Variants in ZNF362 observed in about 807,000 individuals in gnomAD.
ZNF362 encodes zinc finger protein 362.
A neutral mutation model predicts 42.9 loss-of-function variants in ZNF362; 11 were observed. The observed-to-expected ratio is 0.26, with a 90% CI of 0.16 to 0.42. The LOEUF is 0.42. Among genes scored for constraint, ZNF362 ranks in the 20% least tolerant of loss-of-function variants. The probability of loss-of-function intolerance (pLI) is 1.00; values close to 1 mark genes in which losing one functional copy is unlikely to be tolerated. For synonymous variants in ZNF362, 255 were observed against 257.3 expected (o/e 0.99, Z 0.09); for missense variants, 362 against 576.2 (o/e 0.63, Z 3.81).
At chr1:33,234,464 G>A in the ZNF362 span, among the ~76,000 whole-genome samples, 1 of 152,136 alleles carries the variant, frequency 6.6e-6, no homozygotes, top group Non-Finnish European at 1.5e-5. Context: ...AAATCTCAAA[G>A]GAGAAAGTAA....
the ZNF362 span, among the ~76,000 whole-genome samples, chr1:33,190,392 T>A: frequency 1.3e-5 from 2 of 152,206 alleles, no homozygotes; most frequent in African/African-American, 4.8e-5. Context: ...TCTGCTGTTC[T>A]GGAATCCTAT....
intron 1 of ZNF362, among the ~76,000 whole-genome samples, chr1:33,269,244 C>A (rs980674272): frequency 2.0e-5 from 3 of 152,182 alleles, no homozygotes; most frequent in African/African-American, 7.2e-5. Context: ...ACTGGGCTAC[C>A]AACTACTTTC....
chr1:33,131,056 C>G, the ZNF362 span, among the ~76,000 whole-genome samples: 2 of 152,172 alleles, frequency 1.3e-5, no homozygotes, highest in Admixed American at 1.3e-4. Context: ...CTTGAGATTT[C>G]TGGCAACAAC....
Position 33,292,699 on chromosome 1 carries a change from T to C in ZNF362, c.909-2238T>C, listed in dbSNP as rs557882831. Among the ~76,000 whole-genome samples, 29 of 152,332 alleles carry C rather than the reference T, an allele frequency of 1.9e-4. No individual in the cohort carries two copies. The East Asian group carries it at 4.8e-3, about 25-fold the overall frequency. On this transcript the variant is annotated intron_variant, in intron 6 of 8. Coordinates refer to ENST00000539719, the MANE Select transcript of ZNF362 (RefSeq NM_152493.3). Reference sequence around the variant, plus strand: ...ACTCGGCTGTGAATCCGTCTGGTCCTGGACTTGGTTGTGGGGTTTAAAACA... The same window carrying C: ...ACTCGGCTGTGAATCCGTCTGGTCCCGGACTTGGTTGTGGGGTTTAAAACA...
chr1:33,241,950 C>T, the ZNF362 span, among the ~76,000 whole-genome samples: 1 of 152,150 alleles, frequency 6.6e-6, no homozygotes, highest in Non-Finnish European at 1.5e-5. Context: ...AAGCTGGACT[C>T]AGTGGTATGT....
At chr1:33,197,539 A>G in the ZNF362 span, among the ~76,000 whole-genome samples, 5 of 152,330 alleles carry the variant, frequency 3.3e-5, no homozygotes, top group East Asian at 9.6e-4. Context: ...ATATGAAACG[A>G]TGGTTCTCAA....
chr1:33,290,720 C>T (rs1260283121), intron 6 of ZNF362, among the ~76,000 whole-genome samples: 3 of 152,138 alleles, frequency 2.0e-5, no homozygotes, highest in Non-Finnish European at 4.4e-5. Context: ...TCCTCTCCAG[C>T]ACCTGTTGTT....
intron 2 of ZNF362, chr1:33,275,170 CTG>C (rs1302117815): frequency 1.0e-6 from 1 of 985,328 alleles, no homozygotes; most frequent in African/African-American, 1.7e-5. Context: ...TGGAAACCCT[CTG>C]TGAGGCATGG....
rs139444219 is a variant in ZNF362, at chr1:33,273,552, C to G, written c.39-2548C>G. 9.5e-3 allele frequency among the ~76,000 whole-genome samples: 1,443 copies of G among 152,310 alleles called. 9 individuals carry two copies. Among genetic ancestry groups the G allele is most frequent in the Non-Finnish European group, 0.016 (1,064 of 68,024 alleles). The stretch of plus-strand genomic sequence containing the variant: ...GAACTGTCTGAGAAGCAGCGAGGTG[C>G]AGTGGGCAGAGTCCTGGGCCAGGGC... On this transcript the variant is annotated intron_variant, in intron 2 of 8. Transcript: ENST00000539719.
intron 1 of ZNF362, among the ~76,000 whole-genome samples, chr1:33,262,691 A>G (rs1337814420): frequency 6.6e-6 from 1 of 152,132 alleles, no homozygotes; most frequent in Non-Finnish European, 1.5e-5. Flanking sequence ...GAGAGGGGGC[A>G]CAACCCTTCA....
chr1:33,240,480 T>A, the ZNF362 span, among the ~76,000 whole-genome samples: 2 of 152,220 alleles, frequency 1.3e-5, no homozygotes, highest in African/African-American at 2.4e-5. Context: ...CATATATACA[T>A]AAACACACAT....
chr1:33,212,270 C>A, the ZNF362 span, among the ~76,000 whole-genome samples: 1 of 152,016 alleles, frequency 6.6e-6, no homozygotes, highest in Non-Finnish European at 1.5e-5. Flanking sequence ...GTACTGTGAG[C>A]CACTTAAACC....
upstream of ZNF362, among the ~76,000 whole-genome samples, chr1:33,253,485 A>G (rs1645770986): frequency 6.6e-6 from 1 of 152,114 alleles, no homozygotes; most frequent in East Asian, 1.9e-4. Context: ...CAAAGTCCTC[A>G]GAAGTGAGAT....
chr1:33,291,246 G>A (rs1390898981), intron 6 of ZNF362, among the ~76,000 whole-genome samples: 2 of 152,198 alleles, frequency 1.3e-5, no homozygotes, highest in East Asian at 1.9e-4. Context: ...TTTGTATAAG[G>A]TGTAAGGAAG....
At chr1:33,150,007 G>C in the ZNF362 span, among the ~76,000 whole-genome samples, 2,277 of 152,260 alleles carry the variant, frequency 0.015, 37 homozygotes, top group African/African-American at 0.047. Flanking sequence ...GCTCTGGGCT[G>C]GCCACACCGG....
At chr1:33,135,015 C>T in the ZNF362 span, among the ~76,000 whole-genome samples, 3 of 152,270 alleles carry the variant, frequency 2.0e-5, no homozygotes, top group East Asian at 5.8e-4. Context: ...ATCTGGGCGC[C>T]GTGGCTCATG....
At chr1:33,188,964 A>G in the ZNF362 span, among the ~76,000 whole-genome samples, 12 of 152,122 alleles carry the variant, frequency 7.9e-5, no homozygotes, top group African/African-American at 2.9e-4. Context: ...CTTAACTGCA[A>G]TTTTGCAGTC....
chr1:33,154,276 C>G, the ZNF362 span, among the ~76,000 whole-genome samples: 10 of 151,522 alleles, frequency 6.6e-5, no homozygotes, highest in African/African-American at 2.4e-4. Context: ...CGATTCCCTC[C>G]CCAGTCACTG....
At chr1:33,159,015 A>AT in the ZNF362 span, among the ~76,000 whole-genome samples, 13 of 149,990 alleles carry the variant, frequency 8.7e-5, no homozygotes, top group East Asian at 2.0e-4. The surrounding 1 kb of genome is among the most constrained non-coding windows in gnomAD (Gnocchi z 4.2). Context: ...TAATTTTTGT[A>AT]TTTTTTTTTA....
Sources: gnomAD v4.1 joint callset for allele counts (sites outside exome capture counted in the v4.1 genomes callset) on GRCh38, gnomAD v4.1.1 for gene constraint, Gnocchi (gnomAD v3.1) non-coding constraint, MANE v1.5 for transcripts, NCBI Gene and HGNC (gene_info 2026-07-23, HGNC 2026-07-21) for gene names.